The following BMP7 variants were observed in gnomAD, a reference collection of about 807,000 sequenced individuals.
BMP7 encodes the protein bone morphogenetic protein 7.
Under a neutral mutation model 41.2 loss-of-function variants are expected in BMP7, and 12 were observed. That is an observed-to-expected ratio of 0.29 (90% CI 0.19 to 0.47). BMP7 has a LOEUF of 0.47. Ranked by LOEUF, BMP7 falls within the 20% of genes least tolerant of loss-of-function variation. The pLI, the probability that BMP7 is intolerant of heterozygous loss-of-function variation, is 0.99. For missense variants in BMP7, 467 were observed against 606.0 expected (o/e 0.77, Z 2.41); for synonymous variants, 248 against 250.0 (o/e 0.99, Z 0.07).
Position 57,215,993 on chromosome 20 carries a change from A to G in BMP7, c.611+12236T>C, listed in dbSNP as rs1600627879. On this transcript the variant is annotated intron_variant, in intron 2 of 6. Coordinates refer to ENST00000395863, the MANE Select transcript of BMP7 (RefSeq NM_001719.3). The surrounding 1 kb of genome is among the most constrained non-coding windows in gnomAD (Gnocchi z 4.2). Reference sequence around the variant, plus strand: ...AAAGCAGGGCGACAAGGGGAAAGAAACTTGACAGTGCTTTGCAGACAGAAA... The same window carrying G: ...AAAGCAGGGCGACAAGGGGAAAGAAGCTTGACAGTGCTTTGCAGACAGAAA... 6.6e-6 allele frequency: 1 copy of G among 152,170 alleles called. No individual in the cohort carries two copies. Among genetic ancestry groups the G allele is most frequent in the East Asian group, 1.9e-4 (1 of 5,190 alleles). The allele number at this position is 152,170 out of a possible 1,614,324, so 9.4% of individuals were successfully genotyped here. A position where few individuals can be genotyped will look rare whatever the true frequency, so the allele number is the denominator to read the frequency against.
intron 4 of BMP7, among the ~76,000 whole-genome samples, chr20:57,183,097 CAGT>C (rs1249059891): frequency 1.3e-5 from 2 of 151,992 alleles, no homozygotes; most frequent in African/African-American, 4.8e-5. Flanking sequence ...TAGCTGGACA[CAGT>C]GGTGCACACC....
intron 3 of BMP7, among the ~76,000 whole-genome samples, chr20:57,198,647 T>A (rs965768282): frequency 8.5e-5 from 13 of 152,266 alleles, no homozygotes; most frequent in African/African-American, 2.9e-4. Flanking sequence ...GCACGCTTCC[T>A]GGGTGGTCTC....
chr20:57,209,169 T>C (rs1331038922), intron 2 of BMP7, among the ~76,000 whole-genome samples: 1 of 149,780 alleles, frequency 6.7e-6, no homozygotes, highest in Admixed American at 6.7e-5. Flanking sequence ...AATCACACCA[T>C]TGTACTCCAG....
intron 2 of BMP7, among the ~76,000 whole-genome samples, chr20:57,209,239 TTATATATTTTTATATATA>T (rs1324414741): frequency 1.1e-4 from 7 of 63,500 alleles, no homozygotes; most frequent in South Asian, 7.4e-4. Flanking sequence ...ATACCTAGAT[TTATATATTTTTATATATA>T]TATATATATA....
At chr20:57,208,388 C>T (rs1262708936) in intron 2 of BMP7, among the ~76,000 whole-genome samples, 1 of 152,168 alleles carries the variant, frequency 6.6e-6, no homozygotes, top group Non-Finnish European at 1.5e-5. Flanking sequence ...CACAGTGAGA[C>T]AGCACTTCAC....
At chr20:57,186,779 C>A (rs1984221418) in intron 3 of BMP7, among the ~76,000 whole-genome samples, 1 of 152,212 alleles carries the variant, frequency 6.6e-6, no homozygotes, top group East Asian at 1.9e-4. Context: ...ACCAGATCAG[C>A]ACCAGGGGGT....
At position 57,266,236 on chromosome 20, in the gene BMP7, C is replaced by G. The variant is rs1431215538; in HGVS notation, c.-114G>C. On this transcript the variant is annotated 5_prime_UTR_variant, in exon 1 of 7. Coordinates refer to ENST00000395863, the MANE Select transcript of BMP7 (RefSeq NM_001719.3). ...TCGGTCACTTGCTGCAGACGGGCCC[C>G]GCTGCGCCCGCGCCAGACATGGCCC... 1 of 1,100,940 alleles carries G rather than the reference C, an allele frequency of 9.1e-7. No homozygotes were observed. Among genetic ancestry groups the G allele is most frequent in the Non-Finnish European group, 1.2e-6 (1 of 845,212 alleles). The allele number at this position is 1,100,940 out of a possible 1,614,324, so 68.2% of individuals were successfully genotyped here.
intron 4 of BMP7, among the ~76,000 whole-genome samples, chr20:57,176,210 C>A (rs2123059168): frequency 6.6e-6 from 1 of 152,310 alleles, no homozygotes; most frequent in South Asian, 2.1e-4. Context: ...TAATGAAGCC[C>A]CCCTGGCCAA....
chr20:57,179,105 C>G lies in BMP7; in HGVS notation c.959-4098G>C, dbSNP rs373573830. ...TGAGGCGTGGGCACTGGCCCTGCCA[C>G]CAGGGACTCCAGACCCTGCTCTGTG... On this transcript the variant is annotated intron_variant, in intron 4 of 6. Transcript: ENST00000395863. 1.8e-4 allele frequency among the ~76,000 whole-genome samples: 27 copies of G among 152,368 alleles called. 1 individual carries two copies. In the South Asian group the frequency reaches 4.1e-3, roughly 23 times the overall value.
intron 4 of BMP7, among the ~76,000 whole-genome samples, chr20:57,181,807 G>T (rs1984088392): frequency 6.6e-6 from 1 of 152,142 alleles, no homozygotes; most frequent in Non-Finnish European, 1.5e-5. Context: ...GCTCAAAAAG[G>T]CTCTCTCCTA....
chr20:57,175,329 G>A, intron 4 of BMP7, among the ~76,000 whole-genome samples: 1 of 152,272 alleles, frequency 6.6e-6, no homozygotes, highest in Admixed American at 6.5e-5. Context: ...ACATCTGCCT[G>A]GATTCCATAA....
chr20:57,225,713 T>A (rs978078086), intron 2 of BMP7: 7 of 262,090 alleles, frequency 2.7e-5, no homozygotes, highest in African/African-American at 6.6e-5. Flanking sequence ...ATATATTTTT[T>A]AAATTTAACC....
At chr20:57,239,958 AGGG>A (rs1260293224) in intron 1 of BMP7, among the ~76,000 whole-genome samples, 2 of 152,152 alleles carry the variant, frequency 1.3e-5, no homozygotes, top group Non-Finnish European at 2.9e-5. Context: ...CTGTGATGGG[AGGG>A]GCTGCCATGA....
chr20:57,202,699 G>A, intron 2 of BMP7, 76 bp from the exon 3 acceptor site: 1 of 1,054,450 alleles, frequency 9.5e-7, no homozygotes, highest in East Asian at 3.7e-5. Context: ...ATGGGAAGCA[G>A]AGCCTCATGG....
At chr20:57,190,871 T>A (rs1760310144) in intron 3 of BMP7, among the ~76,000 whole-genome samples, 1 of 152,168 alleles carries the variant, frequency 6.6e-6, no homozygotes, top group Non-Finnish European at 1.5e-5. Flanking sequence ...ACAGCCAGCA[T>A]GGTGGGCCTG....
intron 1 of BMP7, among the ~76,000 whole-genome samples, chr20:57,229,331 T>G (rs1308102615): frequency 6.6e-6 from 1 of 151,858 alleles, no homozygotes; most frequent in Non-Finnish European, 1.5e-5. Flanking sequence ...CTAAAAGGAG[T>G]GAATGGCAGA....
Position 57,224,709 on chromosome 20 carries a change from C to T in BMP7, c.611+3520G>A, listed in dbSNP as rs1046394206. ...AAGACTCCGATCCTTTCGCAGCCCC[C>T]TCTCACCCCAGCAAGGCCTCTGGAG... On this transcript the variant is annotated intron_variant, in intron 2 of 6. Coordinates refer to ENST00000395863, the MANE Select transcript of BMP7 (RefSeq NM_001719.3). The surrounding 1 kb of genome is among the most constrained non-coding windows in gnomAD (Gnocchi z 4.8). 1.3e-5 allele frequency: 2 copies of T among 152,372 alleles called. No individual in the cohort carries two copies. The highest frequency in any genetic ancestry group is 2.9e-5 in the Non-Finnish European group (2 of 68,152). 9.4% of individuals were successfully genotyped at this position (152,372 alleles called of 1,614,324 possible).
Position 57,224,059 on chromosome 20 carries a change from T to G in BMP7, c.611+4170A>C, listed in dbSNP as rs1284383493. 6.6e-6 allele frequency among the ~76,000 whole-genome samples: 1 copy of G among 152,014 alleles called. No homozygotes were observed. Among genetic ancestry groups the G allele is most frequent in the Non-Finnish European group, 1.5e-5 (1 of 68,000 alleles). Reference sequence around the variant, plus strand: ...GGGAGCTTCTCAGAAAGGCAGAAACTCAGGGCCCCCATCCCAGGGCTAGTC... The same window carrying G: ...GGGAGCTTCTCAGAAAGGCAGAAACGCAGGGCCCCCATCCCAGGGCTAGTC... On this transcript the variant is annotated intron_variant, in intron 2 of 6. Coordinates refer to ENST00000395863, the MANE Select transcript of BMP7 (RefSeq NM_001719.3). This position sits in a 1 kb window ranked among gnomAD's most constrained non-coding sequence, Gnocchi z 4.8.
Position 57,213,546 on chromosome 20 carries a change from G to A in BMP7, c.612-10923C>T, listed in dbSNP as rs1441109568. On this transcript the variant is annotated intron_variant, in intron 2 of 6. Coordinates refer to ENST00000395863, the MANE Select transcript of BMP7 (RefSeq NM_001719.3). This position sits in a 1 kb window ranked among gnomAD's most constrained non-coding sequence, Gnocchi z 4.4. ...TGCTCCGGCAATGGAGCGCAGTAAC[G>A]AGCCGTTCAAACTTGTGTCAAGGTG... Among the ~76,000 whole-genome samples the A allele has an allele frequency of 6.6e-6, 1 of 152,186 alleles. No homozygotes were observed. The highest frequency in any genetic ancestry group is 2.1e-4 in the South Asian group (1 of 4,834).
Sources: gnomAD v4.1 joint callset for allele counts (sites outside exome capture counted in the v4.1 genomes callset) on GRCh38, gnomAD v4.1.1 for gene constraint, Gnocchi (gnomAD v3.1) non-coding constraint, MANE v1.5 for transcripts, NCBI Gene and HGNC (gene_info 2026-07-23, HGNC 2026-07-21) for gene names.